SLC12A9: variants seen among roughly 807,000 people sequenced by gnomAD.
SLC12A9 encodes the protein solute carrier family 12 member 9, also known as CCC-interacting protein 1.
In SLC12A9, 55 loss-of-function variants were observed where a neutral mutation model predicts 66.0. The ratio of observed to expected loss-of-function variants is 0.83; its 90% CI spans 0.67 to 1.04. SLC12A9 has a LOEUF of 1.04. Ranked by LOEUF, SLC12A9 falls within the 50% of genes least tolerant of loss-of-function variation. The probability of loss-of-function intolerance (pLI) is 0.00; values close to 1 mark genes in which losing one functional copy is unlikely to be tolerated. For synonymous variants in SLC12A9, 577 were observed against 569.0 expected, an observed-to-expected ratio of 1.01 and a Z score of -0.20; for missense variants, 1,061 against 1,241.9, an observed-to-expected ratio of 0.85 and a Z score of 2.19.
At chr7:100,864,141 C>G (rs1319622971) in intron 13 of SLC12A9, among the ~76,000 whole-genome samples, 1 of 140,980 alleles carries the variant, frequency 7.1e-6, no homozygotes, top group Non-Finnish European at 1.5e-5. Context: ...TGCAGTGGCA[C>G]AATGTCAGCT....
intron 13 of SLC12A9, among the ~76,000 whole-genome samples, chr7:100,863,703 G>A (rs749469915): frequency 6.6e-6 from 1 of 152,178 alleles, no homozygotes; most frequent in African/African-American, 2.4e-5. Flanking sequence ...AGCTTTTAGC[G>A]CTGAGGCCAC....
intron 1 of SLC12A9, among the ~76,000 whole-genome samples, chr7:100,845,297 G>A (rs562292228): frequency 6.7e-6 from 1 of 150,312 alleles, no homozygotes; most frequent in South Asian, 2.2e-4. Flanking sequence ...GCCTACGCTA[G>A]GCTGCCTGAC....
At chr7:100,864,921 G>C (rs1814983345) in intron 13 of SLC12A9, among the ~76,000 whole-genome samples, 1 of 152,034 alleles carries the variant, frequency 6.6e-6, no homozygotes, top group African/African-American at 2.4e-5. Flanking sequence ...ACTAGGGTTA[G>C]GGTTTACTGC....
rs138890264 is a variant in SLC12A9 at position 100,855,834 on chromosome 7, G to A, written c.445G>A (p.Ala149Thr). 1,148 of 1,604,824 alleles carry A rather than the reference G, an allele frequency of 7.2e-4. No individual in the cohort carries two copies. Among genetic ancestry groups the A allele is most frequent in the Middle Eastern group, 1.0e-3 (6 of 6,000 alleles). The change falls in exon 4 of 14, where the codon GCC becomes ACC. Residue 149 changes from alanine to threonine, a missense_variant. Transcript: ENST00000354161. ...GGAGTCTGTGCTTGATGTCTTCGGGGCCGGTCTGTGCTCTGTCCGATCTGG... is the reference window on the plus strand; with the variant it reads ...GGAGTCTGTGCTTGATGTCTTCGGGACCGGTCTGTGCTCTGTCCGATCTGG... ...LVESVLDVFGADATGPSGLRV... is the reference protein window; with the variant it reads ...LVESVLDVFGTDATGPSGLRV...
In SLC12A9 at chr7:100,861,036, C is replaced by T. The variant is rs1256560951; in HGVS notation, c.1219-102C>T. 3 of 1,595,010 alleles carry T rather than the reference C, an allele frequency of 1.9e-6. No homozygotes were observed. The African/African-American group carries it at 4.0e-5, about 21-fold the overall frequency. ...GGGTTCACTGGCACTTTCTGGGGCT[C>T]ATTGACACTTTGGGGTACACTGGCA... On this transcript the variant is annotated intron_variant, in intron 9 of 13. Transcript: ENST00000354161. The surrounding 1 kb of genome is among the most constrained non-coding windows in gnomAD (Gnocchi z 5.3).
chr7:100,865,363 C>G, intron 13 of SLC12A9: 2 of 1,536,042 alleles, frequency 1.3e-6, no homozygotes, highest in Non-Finnish European at 1.7e-6. Context: ...ACAACAGAGT[C>G]AAACTCGCAT....
At chr7:100,862,059 A>T in intron 12 of SLC12A9, 148 bp downstream of exon 12, 1 of 807,606 alleles carries the variant, frequency 1.2e-6, no homozygotes, top group East Asian at 2.7e-5. Flanking sequence ...TCCCAGGTTC[A>T]AGTAATTCTC....
In SLC12A9 at chr7:100,847,696, C is replaced by T. The variant is rs145346650; in HGVS notation, n.229-12189C>T. 2.4e-3 allele frequency among the ~76,000 whole-genome samples: 359 copies of T among 152,022 alleles called. 1 individual carries two copies. The highest frequency in any genetic ancestry group is 7.7e-3 in the African/African-American group (318 of 41,468). ...GTATTCCGGTGTAACCCCAGGTTTC[C>T]GGCCTGAGAGGACCACAGGAGGAGC... On this transcript the variant is annotated intron_variant and non_coding_transcript_variant, in intron 1 of 1. Coordinates refer to the SLC12A9 transcript ENST00000461016.
Position 100,866,572 on chromosome 7 carries a change from T to C in SLC12A9, c.2712T>C (p.His904=). ...ACCTGGGCCCCACGCTGCTGGTTCA[T>C]GGGGTCACTCCAGTCACCTGCACTG... The part of the protein sequence containing the change: ...TRDLGPTLLV[H]GVTPVTCTDL The change falls in exon 14 of 14, where the codon CAT becomes CAC. Residue 904 remains histidine, a synonymous_variant. Coordinates refer to ENST00000354161, the MANE Select transcript of SLC12A9 (RefSeq NM_020246.4). The surrounding 1 kb of genome is among the most constrained non-coding windows in gnomAD (Gnocchi z 7.3). 1 of 1,589,172 alleles carries C rather than the reference T, an allele frequency of 6.3e-7. No individual in the cohort carries two copies. The highest frequency in any genetic ancestry group is 8.6e-7 in the Non-Finnish European group (1 of 1,169,042).
In SLC12A9 at chr7:100,854,154, A is replaced by G. The variant is rs1321490630; in HGVS notation, c.-42-2A>G. ...TTTGATGCAACATAATCTCCTTTGC[A>G]GGTCACCTAACCCATTTGTGGCTTC... On this transcript the variant is annotated splice_acceptor_variant, in intron 1 of 13. Transcript: ENST00000354161. LOFTEE classifies it low-confidence loss of function (5UTR_SPLICE). 2 of 1,504,322 alleles carry G rather than the reference A, an allele frequency of 1.3e-6. No homozygotes were observed. The highest frequency in any genetic ancestry group is 2.8e-5 in the African/African-American group (2 of 70,676). 93.2% of individuals were successfully genotyped at this position (1,504,322 alleles called of 1,614,324 possible).
rs528793971 is a variant in SLC12A9 at position 100,844,691 on chromosome 7, C to G, written n.229-15194C>G. On this transcript the variant is annotated intron_variant and non_coding_transcript_variant, in intron 1 of 1. Coordinates refer to the SLC12A9 transcript ENST00000461016. ...TTCCTGTACTAAAGGACAATGTAACCCTTTAGAGCTAGTAATAACCAATCC... is the reference window on the plus strand; with the variant it reads ...TTCCTGTACTAAAGGACAATGTAACGCTTTAGAGCTAGTAATAACCAATCC... Among the ~76,000 whole-genome samples the G allele has an allele frequency of 4.6e-5, 7 of 152,108 alleles. 1 individual carries two copies. The South Asian group carries it at 1.5e-3, about 32-fold the overall frequency.
At chr7:100,846,566 CAAAA>C (rs199870500) in intron 1 of SLC12A9, among the ~76,000 whole-genome samples, 1 of 105,466 alleles carries the variant, frequency 9.5e-6, no homozygotes. Flanking sequence ...GACTCCGTCT[CAAAA>C]AAAAAAAAAA....
At chr7:100,864,078 CTTTT>C (rs10598573) in intron 13 of SLC12A9, among the ~76,000 whole-genome samples, 6 of 102,404 alleles carry the variant, frequency 5.9e-5, no homozygotes, top group Admixed American at 9.9e-5. Context: ...CGGTTTTTGC[CTTTT>C]TTTTTTTTTT....
rs142268397 is a variant in SLC12A9, at chr7:100,860,920, C to T, written c.1219-218C>T. ...GGGGTTTAATAGCATTTTAGGGGCT[C>T]ATTGACACTTTGGGGGTGCACTGGC... On this transcript the variant is annotated intron_variant, in intron 9 of 13. Coordinates refer to ENST00000354161, the MANE Select transcript of SLC12A9 (RefSeq NM_020246.4). 5.9e-5 allele frequency: 45 copies of T among 766,576 alleles called. No homozygotes were observed. In the Admixed American group the frequency reaches 7.7e-4, roughly 13 times the overall value. 47.5% of individuals were successfully genotyped at this position (766,576 alleles called of 1,614,324 possible).
In SLC12A9 at chr7:100,857,098, C is replaced by A; in HGVS notation, c.679C>A (p.Pro227Thr). The A allele has an allele frequency of 1.2e-6, 2 of 1,614,192 alleles. No homozygotes were observed. The highest frequency in any genetic ancestry group is 1.7e-6 in the Non-Finnish European group (2 of 1,180,040). The change falls in exon 5 of 14, where the codon CCC (proline) becomes ACC (threonine). Residue 227 changes from proline to threonine, a missense_variant. Coordinates refer to ENST00000354161, the MANE Select transcript of SLC12A9 (RefSeq NM_020246.4). ...CATCCGCTTGACTCCTAGGCCTGGCCCCAATGGCTCCTCCCTGCCGCCCCG... is the reference window on the plus strand; with the variant it reads ...CATCCGCTTGACTCCTAGGCCTGGCACCAATGGCTCCTCCCTGCCGCCCCG... ...RDIRLTPRPGPNGSSLPPRFG... is the reference protein window; with the variant it reads ...RDIRLTPRPGTNGSSLPPRFG...
chr7:100,831,614 C>T (rs1813544927), intron 1 of SLC12A9, among the ~76,000 whole-genome samples: 1 of 152,204 alleles, frequency 6.6e-6, no homozygotes, highest in African/African-American at 2.4e-5. Context: ...AGCTGGGACC[C>T]CGCGCGGGGA....
At chr7:100,836,244 G>A (rs576282665) in intron 1 of SLC12A9, among the ~76,000 whole-genome samples, 2 of 152,172 alleles carry the variant, frequency 1.3e-5, no homozygotes, top group Non-Finnish European at 2.9e-5. Context: ...CCAGGATACC[G>A]GGGTCTGGAA....
intron 1 of SLC12A9, among the ~76,000 whole-genome samples, chr7:100,835,912 G>C (rs1237471218): frequency 6.6e-6 from 1 of 152,260 alleles, no homozygotes; most frequent in East Asian, 1.9e-4. Context: ...AGGTGGAGGA[G>C]AGAGAGGCTA....
Position 100,866,721 on chromosome 7 carries a change from GC to G in SLC12A9, c.*119del. ...CGTGGCCCTGCCCTTGGGACGTGGA[GC>G]CCAGGGGAGGTTTGAAGGGGATCCT... On this transcript the variant is annotated 3_prime_UTR_variant, in exon 14 of 14. Coordinates refer to ENST00000354161, the MANE Select transcript of SLC12A9 (RefSeq NM_020246.4). This position sits in a 1 kb window ranked among gnomAD's most constrained non-coding sequence, Gnocchi z 7.3. 2.6e-6 allele frequency: 3 copies of G among 1,160,022 alleles called. No individual in the cohort carries two copies. Among genetic ancestry groups the G allele is most frequent in the Non-Finnish European group, 3.5e-6 (3 of 862,320 alleles). 71.9% of individuals were successfully genotyped at this position (1,160,022 alleles called of 1,614,324 possible).
Sources: gnomAD v4.1 joint callset for allele counts (sites outside exome capture counted in the v4.1 genomes callset) on GRCh38, gnomAD v4.1.1 for gene constraint, Gnocchi (gnomAD v3.1) non-coding constraint, MANE v1.5 for transcripts, NCBI Gene and HGNC (gene_info 2026-07-23, HGNC 2026-07-21) for gene names.